The following CCBE1 variants were observed in gnomAD, a reference collection of about 807,000 sequenced individuals.
CCBE1 encodes collagen and calcium binding EGF domains 1.
Under a neutral mutation model 50.0 loss-of-function variants are expected in CCBE1, and 37 were observed. The observed-to-expected ratio is 0.74, with a 90% CI of 0.57 to 0.97. The LOEUF is 0.97. Among genes scored for constraint, CCBE1 ranks in the 50% least tolerant of loss-of-function variants. The probability of loss-of-function intolerance (pLI) is 0.00; values close to 1 mark genes in which losing one functional copy is unlikely to be tolerated. For missense variants in CCBE1, 538 were observed against 523.8 expected, an observed-to-expected ratio of 1.03 and a Z score of -0.26; for synonymous variants, 234 against 203.7, an observed-to-expected ratio of 1.15 and a Z score of -1.27.
intron 2 of CCBE1, among the ~76,000 whole-genome samples, chr18:59,582,687 C>T: frequency 6.6e-6 from 1 of 152,190 alleles, no homozygotes; most frequent in Non-Finnish European, 1.5e-5. Context: ...CCACACCCAA[C>T]CTCTTTCAGT....
intron 2 of CCBE1, among the ~76,000 whole-genome samples, chr18:59,689,530 C>A (rs2054701896): frequency 6.6e-6 from 1 of 152,230 alleles, no homozygotes; most frequent in Non-Finnish European, 1.5e-5. Flanking sequence ...ATCACTACCA[C>A]CCCATTCTCT....
chr18:59,693,453 C>T (rs1042054026), intron 2 of CCBE1, among the ~76,000 whole-genome samples: 1 of 152,016 alleles, frequency 6.6e-6, no homozygotes, highest in Non-Finnish European at 1.5e-5. Context: ...AACTTGAGAC[C>T]AGTTGACAAA....
chr18:59,533,288 A>G (rs977480328), intron 2 of CCBE1, among the ~76,000 whole-genome samples: 1 of 152,238 alleles, frequency 6.6e-6, no homozygotes, highest in Non-Finnish European at 1.5e-5. Context: ...ACAATTTTCC[A>G]TCACTCCCGA....
At chr18:59,627,860 C>A (rs1173273004) in intron 2 of CCBE1, among the ~76,000 whole-genome samples, 1 of 152,174 alleles carries the variant, frequency 6.6e-6, no homozygotes, top group African/African-American at 2.4e-5. Flanking sequence ...AAGTTTGTTA[C>A]AGCAAACCTA....
chr18:59,447,741 T>G (rs1439999418), intron 7 of CCBE1, among the ~76,000 whole-genome samples: 1 of 152,218 alleles, frequency 6.6e-6, no homozygotes, highest in Admixed American at 6.5e-5. Context: ...TTTAGGAATC[T>G]TATCCAATCC....
chr18:59,627,294 G>A (rs1037064705), intron 2 of CCBE1, among the ~76,000 whole-genome samples: 2 of 152,180 alleles, frequency 1.3e-5, no homozygotes, highest in African/African-American at 2.4e-5. Context: ...TTTGTGTAAT[G>A]TAGTCTAAAT....
intron 2 of CCBE1, among the ~76,000 whole-genome samples, chr18:59,660,657 T>C (rs574075064): frequency 6.6e-6 from 1 of 152,362 alleles, no homozygotes; most frequent in East Asian, 1.9e-4. Flanking sequence ...GAGGGATTTA[T>C]AGACAGTACT....
At chr18:59,594,060 C>T (rs772878051) in intron 2 of CCBE1, among the ~76,000 whole-genome samples, 9 of 152,230 alleles carry the variant, frequency 5.9e-5, no homozygotes, top group Non-Finnish European at 1.0e-4. Flanking sequence ...CAAGTGTTTG[C>T]TTCACCAGCA....
chr18:59,603,203 A>G (rs1428868759), intron 2 of CCBE1, among the ~76,000 whole-genome samples: 1 of 152,242 alleles, frequency 6.6e-6, no homozygotes, highest in Non-Finnish European at 1.5e-5. Flanking sequence ...TGAGAAGAAA[A>G]GAAGCTGTGA....
At position 59,435,527 on chromosome 18, in the gene CCBE1, GCTCAC is replaced by G. The variant is rs1393714647; in HGVS notation, c.*376_*380del. 6.6e-6 allele frequency: 2 copies of G among 303,950 alleles called. No homozygotes were observed. The highest frequency in any genetic ancestry group is 1.3e-5 in the Non-Finnish European group (2 of 158,478). The allele number at this position is 303,950 out of a possible 1,614,324, so 18.8% of individuals were successfully genotyped here. Reference sequence around the variant, plus strand: ...AGAAGTAGCCTCACATTTTCTTAGAGCTCACTTTGTCATTTTCCCCCTTTTGATAC... The same window carrying G: ...AGAAGTAGCCTCACATTTTCTTAGAGTTTGTCATTTTCCCCCTTTTGATAC... On this transcript the variant is annotated 3_prime_UTR_variant, in exon 11 of 11. Transcript: ENST00000439986.
chr18:59,590,004 C>T (rs986750369), intron 2 of CCBE1, among the ~76,000 whole-genome samples: 7 of 151,970 alleles, frequency 4.6e-5, no homozygotes, highest in Admixed American at 3.3e-4. Context: ...AGACACACAC[C>T]GACAAAACAG....
chr18:59,568,998 G>A (rs1313792948), intron 2 of CCBE1, among the ~76,000 whole-genome samples: 6 of 152,170 alleles, frequency 3.9e-5, no homozygotes, highest in South Asian at 2.1e-4. Flanking sequence ...ATGTCTCTGC[G>A]TCTCTGTTCA....
chr18:59,693,488 A>G (rs534318726), intron 2 of CCBE1, among the ~76,000 whole-genome samples: 7 of 152,142 alleles, frequency 4.6e-5, no homozygotes, highest in African/African-American at 1.4e-4. Flanking sequence ...AAAAAGGGGG[A>G]AAAAAAGAAC....
chr18:59,685,897 G>C (rs1233530682), intron 2 of CCBE1: 1 of 152,236 alleles, frequency 6.6e-6, no homozygotes, highest in Admixed American at 6.5e-5. Flanking sequence ...TGATTGGGTA[G>C]GTCTGGGATG....
At chr18:59,675,183 T>C (rs961569054) in intron 2 of CCBE1, among the ~76,000 whole-genome samples, 2 of 152,222 alleles carry the variant, frequency 1.3e-5, no homozygotes, top group African/African-American at 2.4e-5. Context: ...TTTGTTCCTA[T>C]GAGCAGTTCT....
intron 7 of CCBE1, among the ~76,000 whole-genome samples, chr18:59,446,406 C>A (rs758114259): frequency 5.9e-5 from 9 of 152,148 alleles, no homozygotes; most frequent in African/African-American, 2.2e-4. Context: ...TAAGGAGAGA[C>A]CCCAGTCTGT....
chr18:59,639,017 AT>A (rs2053950059), intron 2 of CCBE1, among the ~76,000 whole-genome samples: 1 of 152,208 alleles, frequency 6.6e-6, no homozygotes, highest in Non-Finnish European at 1.5e-5. Context: ...TAATTGTAAA[AT>A]TTGAGAGGGT....
intron 2 of CCBE1, among the ~76,000 whole-genome samples, chr18:59,571,546 A>C (rs2163104): frequency 0.1 from 13,231 of 129,290 alleles, 623 homozygotes; most frequent in East Asian, 0.22. Flanking sequence ...TAATGGGTGC[A>C]GCACACCACA....
chr18:59,684,480 C>T (rs992401773), intron 2 of CCBE1, among the ~76,000 whole-genome samples: 1 of 152,120 alleles, frequency 6.6e-6, no homozygotes, highest in Non-Finnish European at 1.5e-5. Context: ...CTATAATATC[C>T]TCAGTAATAG....
Sources: allele counts gnomAD v4.1 joint callset (sites outside exome capture counted in the v4.1 genomes callset), GRCh38; gene constraint gnomAD v4.1.1; transcripts MANE v1.5; gene names NCBI Gene and HGNC (gene_info 2026-07-23, HGNC 2026-07-21).